Variants in LAMA2 observed in about 807,000 individuals in gnomAD.
LAMA2 encodes the protein laminin subunit alpha-2.
LAMA2 carries 269 observed loss-of-function variants against 364.8 expected under a neutral mutation model. The ratio of observed to expected loss-of-function variants is 0.74; its 90% CI spans 0.67 to 0.82. The LOEUF (loss-of-function observed/expected upper bound fraction) is 0.82. Ranked by LOEUF, LAMA2 falls within the 40% of genes least tolerant of loss-of-function variation. The pLI is 0.00. For synonymous variants in LAMA2, 1,379 were observed against 1,370.6 expected (o/e 1.01, Z -0.14); for missense variants, 3,807 against 3,873.2 (o/e 0.98, Z 0.45).
intron 52 of LAMA2, among the ~76,000 whole-genome samples, chr6:129,474,170 C>T (rs1723785716): frequency 6.6e-6 from 1 of 152,030 alleles, no homozygotes; most frequent in Non-Finnish European, 1.5e-5. Context: ...TATAAAAGTT[C>T]TGTCCAGGTG....
At chr6:129,270,864 CATGAATTTTTTCAGGAAAATTAT>C in intron 17 of LAMA2, 113 bp downstream of exon 17, 2 of 1,144,478 alleles carry the variant, frequency 1.7e-6, no homozygotes, top group Non-Finnish European at 2.6e-6. Context: ...TAAACACAGA[CATGAATTTTTTCAGGAAAATTAT>C]ATGAATTTTT....
intron 7 of LAMA2, 106 bp downstream of exon 7, chr6:129,149,202 TACTC>T: frequency 1.3e-6 from 1 of 769,832 alleles, no homozygotes; most frequent in Non-Finnish European, 2.3e-6. Context: ...TGTCAACAAA[TACTC>T]ATTTATATTA....
chr6:129,043,389 G>T (rs931105931), intron 1 of LAMA2, among the ~76,000 whole-genome samples: 1 of 151,880 alleles, frequency 6.6e-6, no homozygotes, highest in African/African-American at 2.4e-5. Flanking sequence ...TACTTATACT[G>T]TCTTTTATCA....
intron 50 of LAMA2, among the ~76,000 whole-genome samples, 193 bp from the exon 51 acceptor site, chr6:129,464,952 G>A (rs1045718900): frequency 3.3e-5 from 5 of 151,924 alleles, no homozygotes; most frequent in Non-Finnish European, 7.4e-5. Context: ...GTGACCATGT[G>A]CATCATAATA....
intron 4 of LAMA2, among the ~76,000 whole-genome samples, chr6:129,113,587 A>C (rs919084009): frequency 2.0e-5 from 3 of 152,086 alleles, no homozygotes; most frequent in African/African-American, 7.2e-5. Flanking sequence ...ATTTAAATAT[A>C]GGCAAAACAA....
intron 35 of LAMA2, among the ~76,000 whole-genome samples, chr6:129,384,588 T>C (rs1214149062): frequency 6.6e-6 from 1 of 152,208 alleles, no homozygotes; most frequent in Non-Finnish European, 1.5e-5. Context: ...TGCATATTCA[T>C]GGTTACCTCT....
rs753140035 is a variant in LAMA2 at position 129,320,534 on chromosome 6, C to G, written c.4059-4C>G. On this transcript the variant is annotated splice_polypyrimidine_tract_variant and splice_region_variant and intron_variant, in intron 27 of 64. Coordinates refer to ENST00000421865, the MANE Select transcript of LAMA2 (RefSeq NM_000426.4). ...TAATCTAAGTACATTCTCGCTGTTTCTAGGATTTCTGAAATCTCAATGGAG... is the reference window on the plus strand; with the variant it reads ...TAATCTAAGTACATTCTCGCTGTTTGTAGGATTTCTGAAATCTCAATGGAG... 7.7e-6 allele frequency: 12 copies of G among 1,554,478 alleles called. No homozygotes were observed. The African/African-American group carries it at 1.1e-4, about 14-fold the overall frequency.
At chr6:129,407,305 T>G (rs529058324) in intron 40 of LAMA2, among the ~76,000 whole-genome samples, 1 of 152,188 alleles carries the variant, frequency 6.6e-6, no homozygotes, top group South Asian at 2.1e-4. Flanking sequence ...CCCATACACA[T>G]CTCCTGAAAT....
chr6:129,297,384 T>C (rs1773252222), intron 20 of LAMA2, among the ~76,000 whole-genome samples: 1 of 152,156 alleles, frequency 6.6e-6, no homozygotes, highest in Non-Finnish European at 1.5e-5. Context: ...GTCCTTTCCA[T>C]ATTGCTATTG....
At chr6:129,348,386 GA>G (rs919955307) in intron 30 of LAMA2, among the ~76,000 whole-genome samples, 6 of 152,098 alleles carry the variant, frequency 3.9e-5, no homozygotes, top group African/African-American at 9.7e-5. Flanking sequence ...GCAGCAAAAA[GA>G]AAAATGGTGT....
chr6:129,279,967 G>A (rs1788606187), intron 17 of LAMA2, 94 bp from the exon 18 acceptor site: 2 of 831,380 alleles, frequency 2.4e-6, no homozygotes, highest in Non-Finnish European at 4.2e-6. Flanking sequence ...TCTTTTGTCA[G>A]AGCAGTAGTG....
chr6:129,119,832 G>C (rs1468032066), intron 4 of LAMA2, among the ~76,000 whole-genome samples: 1 of 152,224 alleles, frequency 6.6e-6, no homozygotes, highest in East Asian at 1.9e-4. Context: ...ACAGGCGTGA[G>C]CCACTGCTCC....
chr6:129,399,148 C>G (rs1779822692), intron 37 of LAMA2, among the ~76,000 whole-genome samples: 1 of 152,088 alleles, frequency 6.6e-6, no homozygotes, highest in African/African-American at 2.4e-5. Context: ...CAAAAGTAAT[C>G]AAGACGAATC....
intron 49 of LAMA2, among the ~76,000 whole-genome samples, chr6:129,464,020 C>G (rs1783402635): frequency 6.6e-6 from 1 of 151,902 alleles, no homozygotes; most frequent in South Asian, 2.1e-4. Context: ...ATCAATATAA[C>G]TATCTACTAC....
intron 1 of LAMA2, among the ~76,000 whole-genome samples, chr6:129,031,752 C>G (rs1040703011): frequency 3.9e-5 from 6 of 152,116 alleles, no homozygotes; most frequent in African/African-American, 1.4e-4. Flanking sequence ...TATTTTCTGA[C>G]AAAAGAAAGT....
intron 1 of LAMA2, among the ~76,000 whole-genome samples, chr6:129,049,468 G>A (rs1787838551): frequency 6.6e-6 from 1 of 151,920 alleles, no homozygotes; most frequent in Non-Finnish European, 1.5e-5. Flanking sequence ...TACACTGAAG[G>A]ATAATTAGAG....
intron 3 of LAMA2, among the ~76,000 whole-genome samples, chr6:129,077,930 A>G (rs144888885): frequency 2.6e-5 from 4 of 152,316 alleles, no homozygotes; most frequent in East Asian, 3.9e-4. Flanking sequence ...TCTGTAGGAT[A>G]GTATAATGAT....
At chr6:129,311,345 T>C (rs1284930518) in intron 22 of LAMA2, among the ~76,000 whole-genome samples, 2 of 152,016 alleles carry the variant, frequency 1.3e-5, no homozygotes, top group Non-Finnish European at 2.9e-5. Context: ...ACGGTCTCAA[T>C]CTCCTGACCT....
At chr6:128,893,651 C>A (rs1422925818) in intron 1 of LAMA2, among the ~76,000 whole-genome samples, 1 of 151,736 alleles carries the variant, frequency 6.6e-6, no homozygotes, top group Admixed American at 6.6e-5. Context: ...ATAAAAATAG[C>A]CTAAGGGCTC....
Sources: gnomAD v4.1 joint callset for allele counts (sites outside exome capture counted in the v4.1 genomes callset) on GRCh38, gnomAD v4.1.1 for gene constraint, MANE v1.5 for transcripts, NCBI Gene and HGNC (gene_info 2026-07-23, HGNC 2026-07-21) for gene names.